The following COL14A1 variants were observed in gnomAD, a reference collection of about 807,000 sequenced individuals.
COL14A1 encodes collagen alpha-1(XIV) chain.
In COL14A1, 136 loss-of-function variants were observed where a neutral mutation model predicts 230.3. That is an observed-to-expected ratio of 0.59 (90% CI 0.51 to 0.68). The LOEUF (loss-of-function observed/expected upper bound fraction) is 0.68, where lower values mean the gene tolerates loss of function less well. Ranked by LOEUF, COL14A1 falls within the 30% of genes least tolerant of loss-of-function variation. COL14A1 has a pLI of 0.00. For synonymous variants in COL14A1, 792 were observed against 784.1 expected (o/e 1.01, Z -0.17); for missense variants, 1,976 against 2,215.8 (o/e 0.89, Z 2.17).
At chr8:120,313,673 T>C (rs1391557349) in intron 37 of COL14A1, among the ~76,000 whole-genome samples, 1 of 152,188 alleles carries the variant, frequency 6.6e-6, no homozygotes, top group African/African-American at 2.4e-5. Flanking sequence ...GGCATAGCAC[T>C]CTTATTTACA....
Position 120,285,986 on chromosome 8 carries a change from T to G in COL14A1, c.4077+16T>G. The G allele has an allele frequency of 7.7e-7, 1 of 1,303,632 alleles. No individual in the cohort carries two copies. Among genetic ancestry groups the G allele is most frequent in the Non-Finnish European group, 1.1e-6 (1 of 899,134 alleles). 80.8% of individuals were successfully genotyped at this position (1,303,632 alleles called of 1,614,324 possible). The stretch of plus-strand genomic sequence containing the variant: ...CTTTCACAAGGTTAGTAATGCTTTG[T>G]ATGCATATATTCTTTATTCTATTTG... On this transcript the variant is annotated intron_variant, in intron 33 of 47. Transcript: ENST00000297848.
intron 7 of COL14A1, among the ~76,000 whole-genome samples, chr8:120,198,505 G>A (rs1817121148): frequency 6.6e-6 from 1 of 152,060 alleles, no homozygotes; most frequent in African/African-American, 2.4e-5. Flanking sequence ...TTCACCTTGA[G>A]ACATGCTGCA....
intron 18 of COL14A1, among the ~76,000 whole-genome samples, chr8:120,230,908 G>A (rs1818247208): frequency 6.6e-6 from 1 of 152,190 alleles, no homozygotes; most frequent in Non-Finnish European, 1.5e-5. Context: ...AGGAAACACA[G>A]GTAAAGGAGT....
chr8:120,363,930 A>G (rs1443414389), intron 45 of COL14A1, among the ~76,000 whole-genome samples: 1 of 152,254 alleles, frequency 6.6e-6, no homozygotes, highest in Non-Finnish European at 1.5e-5. Flanking sequence ...ATAGCCGTGG[A>G]ATAAGATAAA....
chr8:120,324,547 C>G (rs1475567712), intron 40 of COL14A1, among the ~76,000 whole-genome samples: 1 of 152,106 alleles, frequency 6.6e-6, no homozygotes, highest in Non-Finnish European at 1.5e-5. Flanking sequence ...TACAGAAGTC[C>G]AGAGCCATGC....
chr8:120,267,089 A>G, intron 25 of COL14A1: 1 of 532,154 alleles, frequency 1.9e-6, no homozygotes, highest in South Asian at 2.4e-5. Context: ...GGATTTACTA[A>G]CAGAATTGCT....
chr8:120,370,613 TCC>T, intron 47 of COL14A1: 1 of 1,451,044 alleles, frequency 6.9e-7, no homozygotes, highest in South Asian at 1.4e-5. Flanking sequence ...CACTGACTGC[TCC>T]ATGTCAGCCT....
intron 16 of COL14A1, 120 bp downstream of exon 16, chr8:120,226,886 T>C (rs551564571): frequency 6.7e-6 from 6 of 893,786 alleles, no homozygotes; most frequent in African/African-American, 1.7e-5. Context: ...GTATTTTACA[T>C]GGCTTGGAGT....
chr8:120,360,939 C>T (rs1461783535), intron 45 of COL14A1, among the ~76,000 whole-genome samples: 1 of 152,130 alleles, frequency 6.6e-6, no homozygotes, highest in South Asian at 2.1e-4. Context: ...GCAAACCCCA[C>T]CCCTGCCTCC....
Position 120,332,146 on chromosome 8 carries a change from T to C in COL14A1, c.4665T>C (p.Leu1555=), listed in dbSNP as rs1178706452. The C allele has an allele frequency of 6.2e-7, 1 of 1,614,088 alleles. No individual in the cohort carries two copies. The highest frequency in any genetic ancestry group is 8.5e-7 in the Non-Finnish European group (1 of 1,179,964). ...GRDGSPGQRG[L]PGKDGSSGPP... ...GCTGTGTTTCTTTTCGCCAGGGCCT[T>C]CCGGGAAAGGATGGATCCTCGGGAC... is the stretch of plus-strand genomic sequence containing the variant. Residue 1555 remains leucine (L), a synonymous_variant, in exon 41 of 48, where the codon CTT becomes CTC. Coordinates refer to ENST00000297848, the MANE Select transcript of COL14A1 (RefSeq NM_021110.4).
At chr8:120,369,506 C>G in intron 47 of COL14A1, 21 bp downstream of exon 47, 4 of 1,519,198 alleles carry the variant, frequency 2.6e-6, no homozygotes, top group Non-Finnish European at 2.7e-6. Context: ...CAAAAAGCCC[C>G]GCTTGTGGGC....
intron 20 of COL14A1, among the ~76,000 whole-genome samples, chr8:120,245,304 G>A (rs1818728706): frequency 6.6e-6 from 1 of 152,114 alleles, no homozygotes; most frequent in African/African-American, 2.4e-5. Context: ...CCCATCCCTG[G>A]AAGGCAAAGT....
chr8:120,269,012 T>G (rs2129811754), intron 25 of COL14A1, among the ~76,000 whole-genome samples: 1 of 151,762 alleles, frequency 6.6e-6, no homozygotes, highest in African/African-American at 2.4e-5. Context: ...GCCCCTAAAG[T>G]ATTAGCTCAC....
intron 5 of COL14A1, among the ~76,000 whole-genome samples, chr8:120,185,615 T>C (rs1816627152): frequency 6.6e-6 from 1 of 151,960 alleles, no homozygotes; most frequent in Non-Finnish European, 1.5e-5. Context: ...AGTGAGCTAG[T>C]ATTGCGCCAC....
chr8:120,271,463 A>G (rs1053859854), intron 26 of COL14A1, among the ~76,000 whole-genome samples: 5 of 151,732 alleles, frequency 3.3e-5, no homozygotes, highest in African/African-American at 9.7e-5. Flanking sequence ...GATGTAAGCT[A>G]TGAAAACAGA....
chr8:120,169,881 T>C (rs1190243487), intron 5 of COL14A1, among the ~76,000 whole-genome samples: 1 of 152,026 alleles, frequency 6.6e-6, no homozygotes, highest in Admixed American at 6.6e-5. Context: ...ATTAAGAAAA[T>C]AAACCTATTA....
chr8:120,309,816 C>G (rs1820973552), intron 36 of COL14A1, among the ~76,000 whole-genome samples, 193 bp from the exon 37 acceptor site: 1 of 152,020 alleles, frequency 6.6e-6, no homozygotes, highest in South Asian at 2.1e-4. Flanking sequence ...TTTCCAAAAC[C>G]ATGAAATCGT....
At chr8:120,282,355 G>T (rs1820064045) in intron 31 of COL14A1, among the ~76,000 whole-genome samples, 1 of 152,104 alleles carries the variant, frequency 6.6e-6, no homozygotes. Flanking sequence ...ATATCCTCTG[G>T]AGACACCCTC....
At chr8:120,223,735 A>G (rs996927484) in intron 14 of COL14A1, among the ~76,000 whole-genome samples, 2 of 152,226 alleles carry the variant, frequency 1.3e-5, no homozygotes, top group Non-Finnish European at 2.9e-5. Context: ...GAACATTTTA[A>G]GCAGAGCTTA....
Sources: gnomAD v4.1 joint callset for allele counts (sites outside exome capture counted in the v4.1 genomes callset) on GRCh38, gnomAD v4.1.1 for gene constraint, MANE v1.5 for transcripts, NCBI Gene and HGNC (gene_info 2026-07-23, HGNC 2026-07-21) for gene names.